Variants in CA4 observed in about 807,000 individuals in gnomAD.
CA4 encodes the protein carbonic anhydrase 4.
A neutral mutation model predicts 34.5 loss-of-function variants in CA4; 24 were observed. The ratio of observed to expected loss-of-function variants is 0.70; its 90% confidence interval spans 0.50 to 0.98. The LOEUF is 0.98. Ranked by LOEUF, CA4 falls within the 50% of genes least tolerant of loss-of-function variation. CA4 has a pLI of 0.00. For missense variants in CA4, 394 were observed against 396.7 expected, an observed-to-expected ratio of 0.99 and a Z score of 0.06; for synonymous variants, 178 against 170.6, an observed-to-expected ratio of 1.04 and a Z score of -0.34.
chr17:60,176,047 C>T, the CA4 span, among the ~76,000 whole-genome samples: 1 of 152,070 alleles, frequency 6.6e-6, no homozygotes, highest in African/African-American at 2.4e-5. Flanking sequence ...AACTCTCAAC[C>T]TTAGGTGATC....
At chr17:60,152,002 G>A (rs181764367) in intron 1 of CA4, among the ~76,000 whole-genome samples, 41 of 152,192 alleles carry the variant, frequency 2.7e-4, no homozygotes, top group Non-Finnish European at 2.9e-4. Flanking sequence ...AGAGGGGGAG[G>A]TGGGGTGAGC....
Position 60,159,335 on chromosome 17 carries a change from T to C in CA4, c.850T>C (p.Ser284Pro). Residue 284 changes from serine (S) to proline (P), a missense_variant, in exon 8 of 8, where the codon TCC becomes CCC. By Grantham distance (74) the Ser-to-Pro change is moderately conservative (BLOSUM62 -1). Transcript: ENST00000300900. ...QQLGQRTVIK[S>P]GAPGRPLPWA... is the part of the protein sequence containing the mutation. ...GCTGGGGCAGCGCACGGTGATAAAG[T>C]CCGGGGCCCCGGGTCGGCCGCTGCC... 6.2e-7 allele frequency: 1 copy of C among 1,609,312 alleles called. No individual in the cohort carries two copies. The highest frequency in any genetic ancestry group is 8.5e-7 in the Non-Finnish European group (1 of 1,177,960).
intron 1 of CA4, among the ~76,000 whole-genome samples, chr17:60,154,966 G>A (rs373946441): frequency 6.6e-6 from 1 of 152,188 alleles, no homozygotes; most frequent in East Asian, 1.9e-4. Flanking sequence ...GGTTTGGGGT[G>A]GGGGAGGTAA....
At chr17:60,152,593 G>A (rs1366345964) in intron 1 of CA4, among the ~76,000 whole-genome samples, 1 of 152,226 alleles carries the variant, frequency 6.6e-6, no homozygotes, top group Non-Finnish European at 1.5e-5. Flanking sequence ...TCCACCCTTT[G>A]CAGCTGGCTC....
downstream of CA4, among the ~76,000 whole-genome samples, chr17:60,162,546 TACACACACACACACACACACACAC>T (rs770876140): frequency 7.6e-6 from 1 of 132,142 alleles, no homozygotes; most frequent in African/African-American, 2.8e-5. Context: ...CTGCATGGGG[TACACACACACACACACACACACAC>T]ACACACACAC....
chr17:60,157,873 C>T, intron 5 of CA4, 85 bp downstream of exon 5: 1 of 1,509,938 alleles, frequency 6.6e-7, no homozygotes, highest in African/African-American at 1.4e-5. Flanking sequence ...TCCAGCGAGG[C>T]AGGAGGGGGC....
downstream of CA4, among the ~76,000 whole-genome samples, chr17:60,162,461 C>T (rs939201658): frequency 3.3e-5 from 5 of 151,888 alleles, no homozygotes; most frequent in African/African-American, 9.7e-5. Flanking sequence ...GGGAGGAGAA[C>T]CCCCTTATTC....
chr17:60,164,243 TCTTC>T (rs1186489804), downstream of CA4, among the ~76,000 whole-genome samples: 9 of 146,890 alleles, frequency 6.1e-5, no homozygotes, highest in African/African-American at 1.5e-4. Flanking sequence ...TCTCTTTCTT[TCTTC>T]CTTCCTTCCG....
downstream of CA4, among the ~76,000 whole-genome samples, chr17:60,160,501 T>C (rs574907090): frequency 2.1e-4 from 32 of 151,700 alleles, no homozygotes; most frequent in African/African-American, 7.7e-4. Context: ...CAGTGGCTCA[T>C]GCCTGTAATT....
chr17:60,172,150 G>C (rs908324786), downstream of CA4, among the ~76,000 whole-genome samples: 2 of 152,138 alleles, frequency 1.3e-5, no homozygotes, highest in South Asian at 4.1e-4. Flanking sequence ...AGAGGATCCT[G>C]CTACAGATAA....
At chr17:60,162,473 CA>C (rs1056355694), downstream of CA4, among the ~76,000 whole-genome samples, 3 of 151,868 alleles carry the variant, frequency 2.0e-5, no homozygotes, top group Non-Finnish European at 2.9e-5. Context: ...CCCTTATTCA[CA>C]AAGAGGGTCC....
Position 60,157,807 on chromosome 17 carries a change from A to G in CA4, c.513+19A>G. ...GGTGGAGGTGGGACTCCCATCCCCCACTTCCCGGGGAACCCGGGGCTGAGA... is the reference window on the plus strand; with the variant it reads ...GGTGGAGGTGGGACTCCCATCCCCCGCTTCCCGGGGAACCCGGGGCTGAGA... On this transcript the variant is annotated intron_variant, in intron 5 of 7. Coordinates refer to ENST00000300900, the MANE Select transcript of CA4 (RefSeq NM_000717.5). The G allele has an allele frequency of 5.0e-6, 8 of 1,599,920 alleles. No individual in the cohort carries two copies. Among genetic ancestry groups the G allele is most frequent in the Non-Finnish European group, 6.9e-6 (8 of 1,167,246 alleles).
At chr17:60,161,263 A>G (rs934377401), downstream of CA4, among the ~76,000 whole-genome samples, 1 of 152,030 alleles carries the variant, frequency 6.6e-6, no homozygotes, top group East Asian at 1.9e-4. Flanking sequence ...CAGAATGAGA[A>G]GGAAAGAAGG....
At chr17:60,155,494 A>C (rs1015760068) in intron 2 of CA4, 127 bp downstream of exon 2, 1 of 655,680 alleles carries the variant, frequency 1.5e-6, no homozygotes, top group Non-Finnish European at 2.7e-6. Flanking sequence ...ATCAGTTCCC[A>C]GCATACACAC....
intron 5 of CA4, among the ~76,000 whole-genome samples, chr17:60,168,366 GCAGGTGGGGAAGGGTGATTTCTTTTTTT>G (rs2083877852): frequency 2.1e-5 from 1 of 47,596 alleles, no homozygotes; most frequent in African/African-American, 1.0e-4. Context: ...TTTGGGGGGG[GCAGGTGGGGAAGGGTGATTTCTTTTTTT>G]GGGGGGGGCA....
downstream of CA4, among the ~76,000 whole-genome samples, chr17:60,174,894 T>C (rs2083943462): frequency 6.6e-6 from 1 of 152,214 alleles, no homozygotes; most frequent in African/African-American, 2.4e-5. Flanking sequence ...CTGTGAGCAA[T>C]GCCACCAAGT....
chr17:60,171,051 C>T (rs755395805), downstream of CA4, among the ~76,000 whole-genome samples: 1 of 152,236 alleles, frequency 6.6e-6, no homozygotes, highest in Non-Finnish European at 1.5e-5. Flanking sequence ...ATGCATCCCT[C>T]ATAGAGCTGT....
chr17:60,156,753 C>T (rs753089134), intron 3 of CA4, 38 bp downstream of exon 3: 22 of 1,596,628 alleles, frequency 1.4e-5, no homozygotes, highest in African/African-American at 5.4e-5. Context: ...CCTGGGCACC[C>T]GAGTTCCCCA....
chr17:60,174,985 A>G (rs368266054), downstream of CA4, among the ~76,000 whole-genome samples: 1 of 152,134 alleles, frequency 6.6e-6, no homozygotes, highest in African/African-American at 2.4e-5. Flanking sequence ...GCATAGGGCC[A>G]TTCAGAAACT....
Sources: gnomAD v4.1 joint callset for allele counts (sites outside exome capture counted in the v4.1 genomes callset) on GRCh38, gnomAD v4.1.1 for gene constraint, MANE v1.5 for transcripts, NCBI Gene and HGNC (gene_info 2026-07-23, HGNC 2026-07-21) for gene names.